Variants in EYA3 observed in about 807,000 individuals in gnomAD.
EYA3 encodes the protein EYA transcriptional coactivator and phosphatase 3.
Under a neutral mutation model 80.0 loss-of-function variants are expected in EYA3, and 39 were observed. That is an observed-to-expected ratio of 0.49 (90% confidence interval 0.38 to 0.64). EYA3 has a LOEUF of 0.64. Ranked by LOEUF, EYA3 falls within the 30% of genes least tolerant of loss-of-function variation. EYA3 has a pLI of 0.00. For missense variants in EYA3, 523 were observed against 676.1 expected (o/e 0.77, Z 2.51); for synonymous variants, 206 against 232.8 (o/e 0.88, Z 1.05).
At position 27,974,594 on chromosome 1, in the gene EYA3, T is replaced by A. The variant is rs146239257; in HGVS notation, c.1642-48A>T. On this transcript the variant is annotated intron_variant, in intron 17 of 17. Coordinates refer to ENST00000373871, the MANE Select transcript of EYA3 (RefSeq NM_001990.4). ...GGTTAATCCAACTTCTTCTGAGAGCTTATATAAATATTTGCCCATACTCTT... is the reference window on the plus strand; with the variant it reads ...GGTTAATCCAACTTCTTCTGAGAGCATATATAAATATTTGCCCATACTCTT... 17 of 1,516,684 alleles carry A rather than the reference T, an allele frequency of 1.1e-5. No individual in the cohort carries two copies. The African/African-American group carries it at 2.3e-4, about 21-fold the overall frequency. 94.0% of individuals were successfully genotyped at this position (1,516,684 alleles called of 1,614,324 possible). A position where few individuals can be genotyped will look rare whatever the true frequency, so the allele number is the denominator to read the frequency against.
At chr1:28,021,971 A>G (rs1642467568) in intron 7 of EYA3, among the ~76,000 whole-genome samples, 1 of 152,006 alleles carries the variant, frequency 6.6e-6, no homozygotes, top group South Asian at 2.1e-4. Flanking sequence ...TTATGTGACT[A>G]ATATAACTGA....
intron 8 of EYA3, among the ~76,000 whole-genome samples, chr1:28,014,062 C>G (rs1010434705): frequency 6.6e-6 from 1 of 152,052 alleles, no homozygotes; most frequent in South Asian, 2.1e-4. Context: ...GACCCTGTCT[C>G]AAAACAAAAC....
intron 5 of EYA3, among the ~76,000 whole-genome samples, chr1:28,037,353 T>G (rs1643514543): frequency 1.3e-5 from 2 of 152,222 alleles, no homozygotes; most frequent in Non-Finnish European, 2.9e-5. Flanking sequence ...AATGAATAAA[T>G]GAATTTGGAA....
chr1:28,060,848 T>A (rs1311930002), intron 1 of EYA3, among the ~76,000 whole-genome samples: 1 of 152,134 alleles, frequency 6.6e-6, no homozygotes, highest in Non-Finnish European at 1.5e-5. Flanking sequence ...ACCCTGTCTC[T>A]ACTAAAAATA....
intron 1 of EYA3, among the ~76,000 whole-genome samples, chr1:28,065,246 T>C (rs558231472): frequency 6.6e-6 from 1 of 152,336 alleles, no homozygotes; most frequent in Non-Finnish European, 1.5e-5. Context: ...CAAAAGTTCA[T>C]GGACAGAAGA....
At chr1:28,016,049 C>T (rs1642038875) in intron 8 of EYA3, among the ~76,000 whole-genome samples, 1 of 152,032 alleles carries the variant, frequency 6.6e-6, no homozygotes, top group African/African-American at 2.4e-5. Context: ...TCTTTGGTGA[C>T]AGTAAATGGA....
At chr1:28,012,640 G>A (rs1217585729) in intron 9 of EYA3, among the ~76,000 whole-genome samples, 4 of 152,130 alleles carry the variant, frequency 2.6e-5, no homozygotes, top group Admixed American at 6.5e-5. Context: ...TCAGAGCTGT[G>A]AGCATACTGA....
intron 1 of EYA3, among the ~76,000 whole-genome samples, chr1:28,085,449 GTT>G (rs1205618893): frequency 6.6e-6 from 1 of 152,004 alleles, no homozygotes; most frequent in Non-Finnish European, 1.5e-5. Flanking sequence ...GTTTTGTTTT[GTT>G]TTTTGTCTCA....
At chr1:28,078,863 C>T (rs1029744954) in intron 1 of EYA3, among the ~76,000 whole-genome samples, 4 of 152,208 alleles carry the variant, frequency 2.6e-5, no homozygotes, top group African/African-American at 7.2e-5. Flanking sequence ...CGAGCCCAGG[C>T]AGGCTAGCTT....
intron 1 of EYA3, among the ~76,000 whole-genome samples, chr1:28,059,923 T>C (rs1272664172): frequency 6.6e-6 from 1 of 152,092 alleles, no homozygotes; most frequent in Non-Finnish European, 1.5e-5. Context: ...TTTGCCATGT[T>C]GGCCAGCCTG....
chr1:27,979,995 G>A (rs1013350216), intron 16 of EYA3, among the ~76,000 whole-genome samples: 9 of 152,110 alleles, frequency 5.9e-5, no homozygotes, highest in Admixed American at 5.2e-4. Context: ...CTAGTCAACT[G>A]GACCAGACAC....
At chr1:28,008,515 C>T (rs760090100) in intron 10 of EYA3, among the ~76,000 whole-genome samples, 13 of 151,716 alleles carry the variant, frequency 8.6e-5, no homozygotes, top group Non-Finnish European at 1.5e-4. Context: ...AGTGAAAAGA[C>T]GACCTACAGA....
At chr1:28,005,516 C>T (rs1641199324) in intron 10 of EYA3, among the ~76,000 whole-genome samples, 1 of 152,100 alleles carries the variant, frequency 6.6e-6, no homozygotes, top group South Asian at 2.1e-4. Context: ...GAGTTTGAGA[C>T]CAGCCTGGAC....
intron 13 of EYA3, among the ~76,000 whole-genome samples, chr1:27,993,762 A>G (rs577950708): frequency 6.6e-6 from 1 of 152,166 alleles, no homozygotes; most frequent in East Asian, 1.9e-4. Flanking sequence ...AAGGACTGAA[A>G]TGAGAGAGGG....
chr1:28,069,597 G>T (rs1267986001), intron 1 of EYA3, among the ~76,000 whole-genome samples: 2 of 150,246 alleles, frequency 1.3e-5, no homozygotes, highest in Admixed American at 6.6e-5. Flanking sequence ...AAAGAGGGTG[G>T]GAGGGAAAGG....
intron 10 of EYA3, among the ~76,000 whole-genome samples, chr1:28,004,710 T>G (rs1036416174): frequency 1.3e-5 from 2 of 151,854 alleles, no homozygotes; most frequent in Non-Finnish European, 2.9e-5. Flanking sequence ...CATATATATA[T>G]GTATTTTATA....
chr1:28,065,308 C>G (rs952615849), intron 1 of EYA3, among the ~76,000 whole-genome samples: 1 of 152,086 alleles, frequency 6.6e-6, no homozygotes, highest in African/African-American at 2.4e-5. Context: ...GAGTCTCTCC[C>G]TGTCACCAGG....
intron 6 of EYA3, among the ~76,000 whole-genome samples, chr1:28,031,100 C>A (rs1643113081): frequency 6.6e-6 from 1 of 152,070 alleles, no homozygotes; most frequent in South Asian, 2.1e-4. Flanking sequence ...AAAATTAGAA[C>A]ACAAATGTCC....
intron 1 of EYA3, among the ~76,000 whole-genome samples, chr1:28,077,325 C>T (rs1158419242): frequency 3.3e-5 from 5 of 151,904 alleles, no homozygotes; most frequent in African/African-American, 9.7e-5. Flanking sequence ...AGGCTGGCCT[C>T]GAACTCCTGA....
Sources: gnomAD v4.1 joint callset for allele counts (sites outside exome capture counted in the v4.1 genomes callset) on GRCh38, gnomAD v4.1.1 for gene constraint, MANE v1.5 for transcripts, NCBI Gene and HGNC (gene_info 2026-07-23, HGNC 2026-07-21) for gene names.